CFAP61: variants seen among roughly 807,000 people sequenced by gnomAD.
The protein encoded by CFAP61 is cilia- and flagella-associated protein 61.
A neutral mutation model predicts 135.6 loss-of-function variants in CFAP61; 107 were observed. That is an observed-to-expected ratio of 0.79 (90% CI 0.67 to 0.93). The LOEUF is 0.93. CFAP61 is among the 40% of genes least tolerant of loss of function. CFAP61 has a pLI of 0.00. For synonymous variants in CFAP61, 575 were observed against 578.5 expected (o/e 0.99, Z 0.09); for missense variants, 1,507 against 1,556.2 (o/e 0.97, Z 0.53).
chr20:20,119,757 C>A (rs1600760623), intron 8 of CFAP61, among the ~76,000 whole-genome samples: 1 of 152,200 alleles, frequency 6.6e-6, no homozygotes, highest in East Asian at 1.9e-4. Flanking sequence ...AAGCCAGTAC[C>A]CATGAGTTAT....
chr20:20,066,921 A>G (rs1471790826), intron 2 of CFAP61, among the ~76,000 whole-genome samples: 3 of 152,224 alleles, frequency 2.0e-5, no homozygotes, highest in Admixed American at 1.3e-4. Flanking sequence ...GTGATAAATT[A>G]GGAAACTTTT....
At chr20:20,210,502 T>A (rs967974717) in intron 17 of CFAP61, among the ~76,000 whole-genome samples, 1 of 152,250 alleles carries the variant, frequency 6.6e-6, no homozygotes, top group Non-Finnish European at 1.5e-5. Context: ...AAAGGCCTGG[T>A]GTCCCCTGGC....
intron 8 of CFAP61, among the ~76,000 whole-genome samples, chr20:20,113,951 A>G (rs1195978932): frequency 1.4e-5 from 2 of 145,662 alleles, no homozygotes; most frequent in East Asian, 2.0e-4. Flanking sequence ...ATTTTTCCAC[A>G]TAAACATGAG....
chr20:20,172,273 T>G (rs2054278142), intron 13 of CFAP61: 1 of 984,376 alleles, frequency 1.0e-6, no homozygotes, highest in Non-Finnish European at 1.2e-6. Flanking sequence ...TGACTGACTT[T>G]GCATTATGTC....
chr20:20,090,791 GA>G, intron 6 of CFAP61, 52 bp from the exon 7 acceptor site: 1 of 1,598,794 alleles, frequency 6.3e-7, no homozygotes, highest in Non-Finnish European at 8.5e-7. Flanking sequence ...GTGCCCTGTT[GA>G]AGGAAAAAAA....
chr20:20,262,292 T>C (rs997144213), intron 20 of CFAP61, among the ~76,000 whole-genome samples: 1 of 152,078 alleles, frequency 6.6e-6, no homozygotes, highest in African/African-American at 2.4e-5. Context: ...CAAGACTAGG[T>C]TGGAAAAGAA....
chr20:20,115,259 C>G (rs1409970024), intron 8 of CFAP61, among the ~76,000 whole-genome samples: 1 of 149,368 alleles, frequency 6.7e-6, no homozygotes, highest in East Asian at 1.9e-4. Flanking sequence ...ATTCTCTCTT[C>G]TATTCATTTC....
chr20:20,217,199 G>A (rs1248315031), intron 17 of CFAP61, among the ~76,000 whole-genome samples: 2 of 152,154 alleles, frequency 1.3e-5, no homozygotes, highest in South Asian at 4.1e-4. Flanking sequence ...TTTTACAAAA[G>A]CCCAGCGAGC....
chr20:20,072,091 C>CTTTTTTTTTTTTT (rs71198039), intron 3 of CFAP61, among the ~76,000 whole-genome samples: 4 of 57,638 alleles, frequency 6.9e-5, no homozygotes, highest in African/African-American at 1.1e-4. Flanking sequence ...ATCTAGCAAT[C>CTTTTTTTTTTTTT]TTTTTTTTTT....
chr20:20,142,937 GA>G lies in CFAP61; in HGVS notation c.944del (p.Asn315ThrfsTer16). 1 of 1,587,064 alleles carries G rather than the reference GA, an allele frequency of 6.3e-7. No individual in the cohort carries two copies. Among genetic ancestry groups the G allele is most frequent in the Non-Finnish European group, 8.6e-7 (1 of 1,163,742 alleles). ...GGAACCTGTCTCTCCAGATACCATG[GA>G]AAACATCCAGGTGAGAGAGACTATC... ...LQEPVSPDTM[E>X]NIQGNIAREA... On this transcript the variant is annotated frameshift_variant, in exon 9 of 27. Coordinates refer to ENST00000245957, the MANE Select transcript of CFAP61 (RefSeq NM_015585.4). LOFTEE classifies it high-confidence loss of function.
intron 25 of CFAP61, among the ~76,000 whole-genome samples, chr20:20,340,394 G>T (rs2058393472): frequency 6.6e-6 from 1 of 152,022 alleles, no homozygotes; most frequent in Non-Finnish European, 1.5e-5. Flanking sequence ...GATCACAGAG[G>T]GCTTTTTAGG....
At chr20:20,170,779 G>A (rs1200781762) in intron 13 of CFAP61, among the ~76,000 whole-genome samples, 1 of 152,138 alleles carries the variant, frequency 6.6e-6, no homozygotes, top group African/African-American at 2.4e-5. Context: ...TTATGATGAC[G>A]ACTTGAAGAA....
intron 25 of CFAP61, among the ~76,000 whole-genome samples, chr20:20,330,505 T>C (rs1288723444): frequency 6.6e-6 from 1 of 151,984 alleles, no homozygotes; most frequent in Non-Finnish European, 1.5e-5. Flanking sequence ...CCAGCTAATT[T>C]TTGTATTTTT....
chr20:20,303,808 G>A (rs1173581891), intron 25 of CFAP61, among the ~76,000 whole-genome samples: 1 of 152,184 alleles, frequency 6.6e-6, no homozygotes, highest in Non-Finnish European at 1.5e-5. Flanking sequence ...GCTGCCGGGA[G>A]GGCTGACAGT....
intron 25 of CFAP61, among the ~76,000 whole-genome samples, chr20:20,308,971 C>T (rs577475425): frequency 6.6e-6 from 1 of 152,240 alleles, no homozygotes; most frequent in East Asian, 1.9e-4. Context: ...CAAGAAACAA[C>T]GGAGTTGTTT....
At chr20:20,142,797 T>C (rs2051515487) in intron 8 of CFAP61, 60 bp from the exon 9 acceptor site, 1 of 946,426 alleles carries the variant, frequency 1.1e-6, no homozygotes, top group Non-Finnish European at 1.7e-6. Flanking sequence ...TCTAATTTCC[T>C]GTGATTCTGC....
chr20:20,283,954 C>G (rs566195129), intron 22 of CFAP61, among the ~76,000 whole-genome samples: 2 of 152,298 alleles, frequency 1.3e-5, no homozygotes, highest in South Asian at 2.1e-4. Flanking sequence ...GTCACATGTG[C>G]CATATAACAT....
At chr20:20,270,372 C>T (rs1432633994) in intron 21 of CFAP61, among the ~76,000 whole-genome samples, 1 of 152,126 alleles carries the variant, frequency 6.6e-6, no homozygotes, top group Non-Finnish European at 1.5e-5. Context: ...GTTTTAAAGT[C>T]AAGCACTCAG....
intron 21 of CFAP61, among the ~76,000 whole-genome samples, chr20:20,268,920 G>A (rs983273701): frequency 6.6e-6 from 1 of 151,816 alleles, no homozygotes; most frequent in African/African-American, 2.4e-5. Context: ...CTTATTAAAA[G>A]CATGTTTGTA....
Sources: allele counts gnomAD v4.1 joint callset (sites outside exome capture counted in the v4.1 genomes callset), GRCh38; gene constraint gnomAD v4.1.1; transcripts MANE v1.5; gene names NCBI Gene and HGNC (gene_info 2026-07-23, HGNC 2026-07-21).